Variants in PBK observed in about 807,000 individuals in gnomAD.
The protein encoded by PBK is PDZ binding kinase.
In PBK, 22 loss-of-function variants were observed where a neutral mutation model predicts 33.5. The ratio of observed to expected loss-of-function variants is 0.66; its 90% CI spans 0.47 to 0.94. The LOEUF (loss-of-function observed/expected upper bound fraction) is 0.94, where lower values mean the gene tolerates loss of function less well. Among genes scored for constraint, PBK ranks in the 40% least tolerant of loss-of-function variants. The probability of loss-of-function intolerance (pLI) is 0.00; values close to 1 mark genes in which losing one functional copy is unlikely to be tolerated. For synonymous variants in PBK, 129 were observed against 123.8 expected, an observed-to-expected ratio of 1.04 and a Z score of -0.28; for missense variants, 376 against 383.4, an observed-to-expected ratio of 0.98 and a Z score of 0.16.
At chr8:27,831,545 A>G (rs1015084648) in intron 2 of PBK, among the ~76,000 whole-genome samples, 1 of 109,108 alleles carries the variant, frequency 9.2e-6, no homozygotes, top group Non-Finnish European at 1.8e-5. Flanking sequence ...TGACATTTGT[A>G]GAACATTGAC....
Position 27,822,393 on chromosome 8 carries a change from A to G in PBK, c.391T>C (p.Tyr131His). ...GGAAAAGGATCTTGGCTGGCTTTAT[A>G]TCGTTCTTCTATTAAGTCATTTAGA... ...KSLNDLIEER[Y>H]KASQDPFPAA... Residue 131 changes from tyrosine to histidine, a missense_variant, in exon 5 of 8, where the codon TAT becomes CAT. Transcript: ENST00000301905. The G allele has an allele frequency of 1.9e-6, 3 of 1,613,560 alleles. No homozygotes were observed.
At chr8:27,827,144 G>A (rs905202667) in intron 3 of PBK, among the ~76,000 whole-genome samples, 1 of 152,180 alleles carries the variant, frequency 6.6e-6, no homozygotes. Flanking sequence ...GCTAAGATAC[G>A]GAGGGTTGGA....
chr8:27,813,370 G>A (rs771041435), intron 6 of PBK, among the ~76,000 whole-genome samples: 1 of 152,104 alleles, frequency 6.6e-6, no homozygotes, highest in African/African-American at 2.4e-5. Flanking sequence ...TAAATGACTA[G>A]TTAATGGGTG....
intron 6 of PBK, among the ~76,000 whole-genome samples, chr8:27,815,912 A>G (rs1286435135): frequency 1.3e-5 from 2 of 152,222 alleles, no homozygotes; most frequent in African/African-American, 2.4e-5. Flanking sequence ...GTTTGATGAG[A>G]TCATAAACTA....
chr8:27,829,593 C>T lies in PBK; in HGVS notation c.59-1395G>A, dbSNP rs189288860. ...GAAAAATAAATCAATAGAGGCCTAG[C>T]GCGGTGGCTCACGCCTGTAATCCCA... On this transcript the variant is annotated intron_variant, in intron 2 of 7. Transcript: ENST00000301905. 7.0e-3 allele frequency among the ~76,000 whole-genome samples: 1,066 copies of T among 152,280 alleles called. 6 individuals are homozygous for T. The highest frequency in any genetic ancestry group is 0.024 in the African/African-American group (1,007 of 41,548).
intron 2 of PBK, among the ~76,000 whole-genome samples, chr8:27,828,907 A>G (rs191538714): frequency 6.6e-6 from 1 of 152,324 alleles, no homozygotes; most frequent in African/African-American, 2.4e-5. Context: ...ACTTGACAAC[A>G]GGCAGAGCAG....
At chr8:27,835,553 ATT>A (rs5890383) in intron 1 of PBK, among the ~76,000 whole-genome samples, 10 of 145,224 alleles carry the variant, frequency 6.9e-5, no homozygotes, top group South Asian at 2.2e-4. Context: ...ATCTTCTAAG[ATT>A]TTTTTTTTTT....
chr8:27,812,226 G>GC (rs1191058938), intron 6 of PBK: 1 of 152,108 alleles, frequency 6.6e-6, no homozygotes, highest in Non-Finnish European at 1.5e-5. Flanking sequence ...TTTCTAGTTA[G>GC]CTGAGAGGTT....
intron 6 of PBK, 39 bp from the exon 7 acceptor site, chr8:27,811,173 A>C: frequency 6.2e-7 from 1 of 1,606,336 alleles, no homozygotes. Context: ...AGGAGCTACA[A>C]ATCACGAAAA....
At chr8:27,821,624 T>C (rs968412051) in intron 5 of PBK, among the ~76,000 whole-genome samples, 5 of 152,206 alleles carry the variant, frequency 3.3e-5, no homozygotes, top group African/African-American at 9.7e-5. Flanking sequence ...ACTATACTTA[T>C]AAATTGGTTA....
intron 5 of PBK, among the ~76,000 whole-genome samples, chr8:27,820,997 T>C (rs1805916897): frequency 6.6e-6 from 1 of 151,782 alleles, no homozygotes; most frequent in Non-Finnish European, 1.5e-5. Context: ...CTAATTTTTG[T>C]ATTTTTAGTA....
chr8:27,820,902 C>A (rs1010724604), intron 5 of PBK, among the ~76,000 whole-genome samples: 30 of 151,692 alleles, frequency 2.0e-4, no homozygotes, highest in African/African-American at 7.0e-4. Flanking sequence ...CGGCTCACTG[C>A]AACCTCCGCC....
intron 3 of PBK, among the ~76,000 whole-genome samples, chr8:27,824,719 A>G (rs1805994317): frequency 6.6e-6 from 1 of 152,186 alleles, no homozygotes; most frequent in African/African-American, 2.4e-5. Context: ...GGAACAGAAA[A>G]GGTACTATGA....
chr8:27,819,202 G>A (rs764550249), intron 6 of PBK, among the ~76,000 whole-genome samples: 59 of 152,106 alleles, frequency 3.9e-4, no homozygotes, highest in Non-Finnish European at 7.1e-4. Flanking sequence ...AGGAACTTCA[G>A]ATTAATTCTG....
chr8:27,821,976 T>C (rs1034479450), intron 5 of PBK, among the ~76,000 whole-genome samples: 1 of 152,196 alleles, frequency 6.6e-6, no homozygotes, highest in Non-Finnish European at 1.5e-5. Context: ...TACAGTAACA[T>C]TCTATACAGG....
chr8:27,815,662 C>T (rs989087332), intron 6 of PBK, among the ~76,000 whole-genome samples: 8 of 152,150 alleles, frequency 5.3e-5, no homozygotes, highest in Admixed American at 3.3e-4. Flanking sequence ...CTACAAGGAT[C>T]CATCAGGCTA....
chr8:27,823,898 A>G (rs10098910), intron 3 of PBK, among the ~76,000 whole-genome samples: 23,927 of 152,062 alleles, frequency 0.16, 2,393 homozygotes, highest in East Asian at 0.37. Flanking sequence ...AGTAGAGCAA[A>G]TCACAAAATA....
intron 2 of PBK, 56 bp downstream of exon 2, chr8:27,833,000 C>T: frequency 1.0e-6 from 1 of 969,594 alleles, no homozygotes; most frequent in South Asian, 1.5e-5. Context: ...AATACTAGGA[C>T]ATTTCTAAGA....
intron 1 of PBK, among the ~76,000 whole-genome samples, chr8:27,834,991 T>A (rs1806201798): frequency 6.9e-6 from 1 of 144,126 alleles, no homozygotes; most frequent in Non-Finnish European, 1.5e-5. Context: ...TATTTAAGAA[T>A]TTTTTTATTT....
Sources: allele counts gnomAD v4.1 joint callset (sites outside exome capture counted in the v4.1 genomes callset), GRCh38; gene constraint gnomAD v4.1.1; transcripts MANE v1.5; gene names NCBI Gene and HGNC (gene_info 2026-07-23, HGNC 2026-07-21).